The following FAT3 variants were observed in gnomAD, a reference collection of about 807,000 sequenced individuals.
FAT3 encodes protocadherin Fat 3.
In FAT3, 95 loss-of-function variants were observed where a neutral mutation model predicts 310.2. The ratio of observed to expected loss-of-function variants is 0.31; its 90% CI spans 0.26 to 0.36. The LOEUF (loss-of-function observed/expected upper bound fraction) is 0.36. Ranked by LOEUF, FAT3 falls within the 10% of genes least tolerant of loss-of-function variation. The probability of loss-of-function intolerance (pLI) is 1.00; values close to 1 mark genes in which losing one functional copy is unlikely to be tolerated. For missense variants in FAT3, 5,408 were observed against 5,715.6 expected, an observed-to-expected ratio of 0.95 and a Z score of 1.74; for synonymous variants, 2,314 against 2,192.9, an observed-to-expected ratio of 1.06 and a Z score of -1.54.
chr11:92,453,859 C>G (rs917848569), intron 2 of FAT3, among the ~76,000 whole-genome samples: 1 of 152,104 alleles, frequency 6.6e-6, no homozygotes, highest in Non-Finnish European at 1.5e-5. Context: ...TGATCTAAAT[C>G]AGTGCTATCT....
chr11:92,350,995 TCTC>T lies in FAT3; in HGVS notation c.-17-1098_-17-1096del, dbSNP rs1374719876. Among the ~76,000 whole-genome samples the T allele has an allele frequency of 5.9e-5, 9 of 152,178 alleles. No homozygotes were observed. The East Asian group carries it at 1.7e-3, about 29-fold the overall frequency. On this transcript the variant is annotated intron_variant, in intron 1 of 27. Transcript: ENST00000525166. ...CTTGTTGAATACCTCCTTTCTCCCT[TCTC>T]CTTGATTGATTTTACTGGCTAAAAT...
intron 6 of FAT3, among the ~76,000 whole-genome samples, chr11:92,773,652 T>G (rs1355748346): frequency 6.6e-6 from 1 of 152,186 alleles, no homozygotes; most frequent in African/African-American, 2.4e-5. Flanking sequence ...ATAATTGGAC[T>G]ATTTATTTAC....
At chr11:92,566,940 G>T (rs1955476919) in intron 3 of FAT3, among the ~76,000 whole-genome samples, 1 of 152,200 alleles carries the variant, frequency 6.6e-6, no homozygotes, top group Non-Finnish European at 1.5e-5. Context: ...AACCGTAGAA[G>T]AAAACCTAGA....
At chr11:92,877,401 G>A (rs1949557649) in intron 22 of FAT3, among the ~76,000 whole-genome samples, 3 of 152,122 alleles carry the variant, frequency 2.0e-5, no homozygotes, top group South Asian at 2.1e-4. Flanking sequence ...ATGCTGTGAC[G>A]AGGCCTGCAG....
chr11:92,791,405 C>T (rs896108066), intron 8 of FAT3, among the ~76,000 whole-genome samples: 3 of 152,224 alleles, frequency 2.0e-5, no homozygotes, highest in Non-Finnish European at 2.9e-5. Flanking sequence ...GGAAATTCAG[C>T]ATATTCACTG....
At chr11:92,347,156 C>T (rs574467004) in intron 1 of FAT3, among the ~76,000 whole-genome samples, 1 of 152,292 alleles carries the variant, frequency 6.6e-6, no homozygotes, top group South Asian at 2.1e-4. Flanking sequence ...GATTCAAATG[C>T]AGGCAGTCAA....
chr11:92,856,570 A>G (rs1300354268), intron 19 of FAT3, among the ~76,000 whole-genome samples: 2 of 152,156 alleles, frequency 1.3e-5, no homozygotes, highest in African/African-American at 4.8e-5. Context: ...TGAACATCGA[A>G]CAGGTAGAAG....
At chr11:92,605,261 C>T (rs539124422) in intron 3 of FAT3, among the ~76,000 whole-genome samples, 7 of 152,314 alleles carry the variant, frequency 4.6e-5, no homozygotes, top group Admixed American at 6.5e-5. Context: ...GCAACCTTCC[C>T]TCTTATCATT....
chr11:92,343,678 A>G (rs1455958060), intron 1 of FAT3, among the ~76,000 whole-genome samples: 4 of 152,178 alleles, frequency 2.6e-5, no homozygotes, highest in Non-Finnish European at 5.9e-5. Flanking sequence ...TTAGCACAGC[A>G]AATTATGGAG....
chr11:92,792,976 A>C lies in FAT3; in HGVS notation c.4821A>C (p.Ala1607=). Residue 1607 remains alanine (A), a splice_region_variant and synonymous_variant, in exon 9 of 28, where the codon GCA becomes GCC. Transcript: ENST00000525166. ...CAGAACTCATATATACCATAGAAGCAGGTGAGAGCTGTTGCACTGCACAGA... is the reference window on the plus strand; with the variant it reads ...CAGAACTCATATATACCATAGAAGCCGGTGAGAGCTGTTGCACTGCACAGA... ...ENAELIYTIE[A]GNTGNMFKIE... The C allele has an allele frequency of 1.2e-6, 2 of 1,613,350 alleles. No homozygotes were observed. Among genetic ancestry groups the C allele is most frequent in the Non-Finnish European group, 1.7e-6 (2 of 1,179,570 alleles).
intron 1 of FAT3, among the ~76,000 whole-genome samples, chr11:92,303,791 G>A (rs1444660531): frequency 3.3e-5 from 5 of 152,088 alleles, no homozygotes; most frequent in Middle Eastern, 3.2e-3. Context: ...GGTTAGATTC[G>A]CCTCACCACC....
Position 92,517,742 on chromosome 11 carries a change from T to C in FAT3, c.3293-6892T>C, listed in dbSNP as rs141759107. ...CTATCCATCTGACAAAGAGCTAATATCCAGAATCTACAAGGAACTTAAATT... is the reference window on the plus strand; with the variant it reads ...CTATCCATCTGACAAAGAGCTAATACCCAGAATCTACAAGGAACTTAAATT... On this transcript the variant is annotated intron_variant, in intron 2 of 27. Transcript: ENST00000525166. 3.9e-3 allele frequency among the ~76,000 whole-genome samples: 594 copies of C among 151,856 alleles called. 24 individuals are homozygous for C. The East Asian group carries it at 0.1, about 27-fold the overall frequency.
At chr11:92,497,648 A>G (rs1202715722) in intron 2 of FAT3, among the ~76,000 whole-genome samples, 1 of 152,058 alleles carries the variant, frequency 6.6e-6, no homozygotes, top group Non-Finnish European at 1.5e-5. Flanking sequence ...TCTGATAATT[A>G]TTGAGGTGAC....
intron 2 of FAT3, among the ~76,000 whole-genome samples, chr11:92,507,836 C>T (rs546349400): frequency 1.9e-4 from 29 of 151,784 alleles, no homozygotes; most frequent in African/African-American, 2.2e-4. Flanking sequence ...ATAACACACA[C>T]GCACACCCTG....
rs369889500 is a variant in FAT3, at chr11:92,353,129, T to C, written c.1017T>C (p.Tyr339=). The C allele has an allele frequency of 2.2e-4, 357 of 1,613,558 alleles. No homozygotes were observed. The highest frequency in any genetic ancestry group is 6.5e-4 in the Admixed American group (39 of 59,880). Residue 339 remains tyrosine (Y), a synonymous_variant, in exon 2 of 28, where the codon TAT becomes TAC. Transcript: ENST00000525166. The part of the protein sequence containing the change: ...RKQIDWESFP[Y]GYNLTLQAKD... ...AGATTGACTGGGAGAGCTTTCCCTATGGCTACAATCTCACTCTTCAAGCAA... is the reference window on the plus strand; with the variant it reads ...AGATTGACTGGGAGAGCTTTCCCTACGGCTACAATCTCACTCTTCAAGCAA...
At chr11:92,286,390 C>T (rs989087356) in intron 1 of FAT3, among the ~76,000 whole-genome samples, 3 of 152,106 alleles carry the variant, frequency 2.0e-5, no homozygotes, top group African/African-American at 7.2e-5. Context: ...TGCCGAAGTC[C>T]TGGAAATAGC....
At chr11:92,230,587 C>T (rs1864134280) in intron 1 of FAT3, among the ~76,000 whole-genome samples, 1 of 152,220 alleles carries the variant, frequency 6.6e-6, no homozygotes, top group African/African-American at 2.4e-5. Context: ...AGCCACCGTC[C>T]TCAGCCCTGT....
Position 92,831,711 on chromosome 11 carries a change from C to A in FAT3, c.9571C>A (p.Gln3191Lys), listed in dbSNP as rs750624658. ...DSSSGIIILE[Q>K]PLDREQQSSY... ...CTCATCTGGCATCATCATCCTGGAG[C>A]AGCCACTGGACCGTGAGCAGCAGTC... Residue 3191 changes from glutamine (Q) to lysine (K), a missense_variant, in exon 14 of 28, where the codon CAG (glutamine) becomes AAG (lysine). Gln to Lys is a moderately conservative substitution (Grantham distance 53). Coordinates refer to ENST00000525166, the MANE Select transcript of FAT3 (RefSeq NM_001367949.2). The A allele has an allele frequency of 1.9e-6, 3 of 1,613,620 alleles. No homozygotes were observed. The highest frequency in any genetic ancestry group is 1.7e-6 in the Non-Finnish European group (2 of 1,179,790).
At chr11:92,697,218 CT>C (rs1462613346) in intron 3 of FAT3, among the ~76,000 whole-genome samples, 165 bp from the exon 4 acceptor site, 1 of 152,184 alleles carries the variant, frequency 6.6e-6, no homozygotes, top group Non-Finnish European at 1.5e-5. Flanking sequence ...GTAAATTTTA[CT>C]TTCTTTTAAG....
Sources: allele counts gnomAD v4.1 joint callset (sites outside exome capture counted in the v4.1 genomes callset), GRCh38; gene constraint gnomAD v4.1.1; transcripts MANE v1.5; gene names NCBI Gene and HGNC (gene_info 2026-07-23, HGNC 2026-07-21).